AGBL4: variants seen among roughly 807,000 people sequenced by gnomAD.
AGBL4 encodes cytosolic carboxypeptidase 6.
AGBL4 carries 58 observed loss-of-function variants against 66.4 expected under a neutral mutation model. The observed-to-expected ratio is 0.87, with a 90% CI of 0.71 to 1.09. The LOEUF is 1.09. Among genes scored for constraint, AGBL4 ranks in the 50% least tolerant of loss-of-function variants. The pLI, the probability that AGBL4 is intolerant of heterozygous loss-of-function variation, is 0.00. For synonymous variants in AGBL4, 234 were observed against 222.9 expected, an observed-to-expected ratio of 1.05 and a Z score of -0.44; for missense variants, 579 against 631.0, an observed-to-expected ratio of 0.92 and a Z score of 0.88.
intron 1 of AGBL4, among the ~76,000 whole-genome samples, chr1:49,902,061 T>C (rs1203199420): frequency 6.6e-6 from 1 of 152,044 alleles, no homozygotes; most frequent in East Asian, 1.9e-4. Context: ...AAGACTTAAA[T>C]ATAAAACCAA....
At position 49,936,024 on chromosome 1, in the gene AGBL4, C is replaced by T. The variant is rs180784766; in HGVS notation, c.35-84506G>A. On this transcript the variant is annotated intron_variant, in intron 1 of 13. Coordinates refer to ENST00000371839, the MANE Select transcript of AGBL4 (RefSeq NM_032785.4). The stretch of plus-strand genomic sequence containing the variant: ...TGAGTTGAGAGAAGAAGGCTTCAGA[C>T]GATCAAACTACTCCAAGCTACAGGA... Among the ~76,000 whole-genome samples, 486 of 152,108 alleles carry T rather than the reference C, an allele frequency of 3.2e-3. 3 individuals carry two copies. The highest frequency in any genetic ancestry group is 0.011 in the African/African-American group (468 of 41,520).
chr1:49,545,935 G>A (rs1002232248), intron 3 of AGBL4, among the ~76,000 whole-genome samples: 1 of 152,104 alleles, frequency 6.6e-6, no homozygotes, highest in Non-Finnish European at 1.5e-5. Flanking sequence ...GGTTACATGA[G>A]TAAGTTCTTT....
At chr1:49,379,263 T>A (rs1161064021) in intron 3 of AGBL4, among the ~76,000 whole-genome samples, 2 of 152,176 alleles carry the variant, frequency 1.3e-5, no homozygotes, top group African/African-American at 4.8e-5. Flanking sequence ...CTTGGGAAAC[T>A]ACCACACATT....
At chr1:48,800,317 T>G (rs547173525) in intron 6 of AGBL4, among the ~76,000 whole-genome samples, 1 of 152,334 alleles carries the variant, frequency 6.6e-6, no homozygotes, top group African/African-American at 2.4e-5. Flanking sequence ...GAATGATCTT[T>G]GGTATTTCTC....
At chr1:49,767,201 T>A (rs1391549527) in intron 2 of AGBL4, among the ~76,000 whole-genome samples, 1 of 152,016 alleles carries the variant, frequency 6.6e-6, no homozygotes, top group African/African-American at 2.4e-5. Context: ...AACCACATAC[T>A]TGGGCATAAA....
At chr1:48,692,760 C>T (rs1646653446) in intron 6 of AGBL4, among the ~76,000 whole-genome samples, 1 of 152,078 alleles carries the variant, frequency 6.6e-6, no homozygotes, top group Admixed American at 6.5e-5. Context: ...GGCTAGTGAC[C>T]ACCTCTTTGG....
intron 9 of AGBL4, among the ~76,000 whole-genome samples, chr1:48,628,874 G>T (rs1645547315): frequency 7.6e-6 from 1 of 131,448 alleles, no homozygotes; most frequent in Non-Finnish European, 1.5e-5. Context: ...CGTTTCCAAA[G>T]CACTGTTTGC....
chr1:48,876,747 G>C (rs889707970), intron 5 of AGBL4, among the ~76,000 whole-genome samples: 1 of 152,102 alleles, frequency 6.6e-6, no homozygotes, highest in Non-Finnish European at 1.5e-5. Context: ...TTTAATACCT[G>C]TTCCCTGATA....
chr1:48,878,784 T>A (rs559640644), intron 5 of AGBL4, among the ~76,000 whole-genome samples: 2 of 152,288 alleles, frequency 1.3e-5, no homozygotes, highest in Admixed American at 1.3e-4. Context: ...ATCATGACAT[T>A]CAAAATAAAA....
intron 4 of AGBL4, among the ~76,000 whole-genome samples, chr1:49,171,654 G>C (rs527467872): frequency 6.6e-6 from 1 of 152,208 alleles, no homozygotes; most frequent in South Asian, 2.1e-4. Flanking sequence ...TTCCTTACAT[G>C]CCAATTCAGA....
chr1:49,867,169 C>T (rs746161043), intron 1 of AGBL4, among the ~76,000 whole-genome samples: 4 of 151,986 alleles, frequency 2.6e-5, no homozygotes, highest in East Asian at 1.9e-4. Context: ...TGTCTGCCAG[C>T]GAGTTTTCCT....
intron 9 of AGBL4, among the ~76,000 whole-genome samples, chr1:48,595,703 C>G (rs1337762281): frequency 6.6e-6 from 1 of 152,230 alleles, no homozygotes; most frequent in Non-Finnish European, 1.5e-5. Flanking sequence ...ATATTTGCAA[C>G]ATAATTTAGT....
At chr1:49,413,768 G>GT (rs1219918219) in intron 3 of AGBL4, among the ~76,000 whole-genome samples, 1 of 152,172 alleles carries the variant, frequency 6.6e-6, no homozygotes, top group African/African-American at 2.4e-5. Context: ...AAATGCAGAG[G>GT]TGACATTATG....
chr1:48,790,538 C>A (rs1178154215), intron 6 of AGBL4, among the ~76,000 whole-genome samples: 3 of 152,040 alleles, frequency 2.0e-5, no homozygotes, highest in Non-Finnish European at 4.4e-5. Flanking sequence ...ATGTATCAAA[C>A]CTGTCATTCT....
At chr1:49,845,722 A>G in intron 2 of AGBL4, 1 of 1,594,662 alleles carries the variant, frequency 6.3e-7, no homozygotes, top group Non-Finnish European at 8.6e-7. Context: ...TGAGCATCAG[A>G]GGATTTACAC....
At chr1:49,448,662 A>C (rs888833577) in intron 3 of AGBL4, among the ~76,000 whole-genome samples, 3 of 152,220 alleles carry the variant, frequency 2.0e-5, no homozygotes, top group African/African-American at 7.2e-5. Flanking sequence ...AAAGGTAAGA[A>C]GATATTACCA....
intron 4 of AGBL4, among the ~76,000 whole-genome samples, chr1:49,222,115 T>A (rs1282822590): frequency 6.6e-6 from 1 of 152,152 alleles, no homozygotes; most frequent in Admixed American, 6.6e-5. Flanking sequence ...GAAATTTCCA[T>A]CTATGGCCTT....
intron 3 of AGBL4, among the ~76,000 whole-genome samples, chr1:49,404,607 C>T (rs748668121): frequency 1.8e-4 from 28 of 152,104 alleles, no homozygotes; most frequent in Non-Finnish European, 2.8e-4. Context: ...GTGGAACCTA[C>T]GTATCTTTTA....
chr1:49,427,324 A>C (rs915266319), intron 3 of AGBL4, among the ~76,000 whole-genome samples: 1 of 152,156 alleles, frequency 6.6e-6, no homozygotes, highest in Non-Finnish European at 1.5e-5. Context: ...GTTCTACAGA[A>C]TATAGGGAGA....
Sources: gnomAD v4.1 joint callset for allele counts (sites outside exome capture counted in the v4.1 genomes callset) on GRCh38, gnomAD v4.1.1 for gene constraint, MANE v1.5 for transcripts, NCBI Gene and HGNC (gene_info 2026-07-23, HGNC 2026-07-21) for gene names.